SNW1: variants seen among roughly 807,000 people sequenced by gnomAD.
The protein encoded by SNW1 is SNW domain-containing protein 1.
A neutral mutation model predicts 75.6 loss-of-function variants in SNW1; 9 were observed. The ratio of observed to expected loss-of-function variants is 0.12; its 90% confidence interval spans 0.07 to 0.21. The LOEUF is 0.21. Among genes scored for constraint, SNW1 ranks in the 10% least tolerant of loss-of-function variants. The pLI is 1.00. For missense variants in SNW1, 409 were observed against 670.9 expected (o/e 0.61, Z 4.31); for synonymous variants, 200 against 219.1 (o/e 0.91, Z 0.77).
chr14:77,743,856 A>G (rs2080737672), intron 3 of SNW1, among the ~76,000 whole-genome samples: 1 of 152,192 alleles, frequency 6.6e-6, no homozygotes, highest in Non-Finnish European at 1.5e-5. Context: ...CCCAGTGCCA[A>G]TGGCACATAA....
chr14:77,753,827 CCTG>C (rs2080825049), intron 2 of SNW1, among the ~76,000 whole-genome samples: 1 of 151,614 alleles, frequency 6.6e-6, no homozygotes, highest in African/African-American at 2.4e-5. Context: ...GTGGCACGTG[CCTG>C]TAATCCTGGC....
At chr14:77,731,184 G>A (rs1315298261) in intron 9 of SNW1, 55 bp from the exon 10 acceptor site, 1 of 1,572,262 alleles carries the variant, frequency 6.4e-7, no homozygotes, top group East Asian at 2.2e-5. Flanking sequence ...AATATTTATG[G>A]CTATCATCCA....
chr14:77,725,381 T>A (rs1476650251), intron 10 of SNW1, among the ~76,000 whole-genome samples: 1 of 152,180 alleles, frequency 6.6e-6, no homozygotes. Flanking sequence ...GCTTTTGAGA[T>A]TTTACCCAAA....
chr14:77,732,395 C>T lies in SNW1; in HGVS notation c.891+90G>A, dbSNP rs566309652. 36 of 768,778 alleles carry T rather than the reference C, an allele frequency of 4.7e-5. No homozygotes were observed. The African/African-American group carries it at 5.0e-4, about 11-fold the overall frequency. 47.6% of individuals were successfully genotyped at this position (768,778 alleles called of 1,614,324 possible). A position where few individuals can be genotyped will look rare whatever the true frequency, so the allele number is the denominator to read the frequency against. On this transcript the variant is annotated intron_variant, in intron 9 of 13. Transcript: ENST00000261531. ...ATGGGTGAGACTCTCTTTGGGTGCTCGGTACTATAGTTAAATTATCAGTAC... is the reference window on the plus strand; with the variant it reads ...ATGGGTGAGACTCTCTTTGGGTGCTTGGTACTATAGTTAAATTATCAGTAC...
intron 11 of SNW1, chr14:77,722,742 C>G: frequency 2.8e-6 from 1 of 363,348 alleles, no homozygotes; most frequent in Non-Finnish European, 5.3e-6. Flanking sequence ...AGTTATCAAA[C>G]TAAAGAAGAA....
At chr14:77,733,063 A>G (rs1415072929) in intron 8 of SNW1, among the ~76,000 whole-genome samples, 2 of 152,230 alleles carry the variant, frequency 1.3e-5, no homozygotes, top group South Asian at 2.1e-4. Flanking sequence ...GCAGCTATCA[A>G]TGAGTGCTTT....
At chr14:77,733,261 A>G (rs774279567) in intron 8 of SNW1, among the ~76,000 whole-genome samples, 15 of 152,196 alleles carry the variant, frequency 9.9e-5, no homozygotes, top group Admixed American at 6.5e-4. Context: ...GGAAAAATAG[A>G]TATTTGTGTT....
intron 11 of SNW1, chr14:77,722,868 G>A (rs1395693934): frequency 2.9e-6 from 1 of 343,750 alleles, no homozygotes; most frequent in East Asian, 9.2e-5. Flanking sequence ...TTTGTGAGAT[G>A]GAGTCTCGCT....
At chr14:77,726,826 A>C (rs1227346110) in intron 10 of SNW1, among the ~76,000 whole-genome samples, 1 of 151,858 alleles carries the variant, frequency 6.6e-6, no homozygotes, top group Non-Finnish European at 1.5e-5. Flanking sequence ...AAAAAAAAAA[A>C]CCTTTATTCC....
At chr14:77,751,043 A>G (rs147215177) in intron 3 of SNW1, among the ~76,000 whole-genome samples, 1 of 152,324 alleles carries the variant, frequency 6.6e-6, no homozygotes, top group African/African-American at 2.4e-5. Context: ...TGCTAGTAAT[A>G]TAAAGTAACT....
intron 11 of SNW1, 43 bp from the exon 12 acceptor site, chr14:77,720,871 A>G: frequency 8.2e-7 from 1 of 1,220,884 alleles, no homozygotes; most frequent in South Asian, 1.2e-5. Context: ...CTCTTTATAG[A>G]CAAGCTGAAT....
Position 77,755,009 on chromosome 14 carries a change from G to A in SNW1, c.126C>T (p.Pro42=), listed in dbSNP as rs2080833357. The A allele has an allele frequency of 1.9e-6, 3 of 1,609,892 alleles. No homozygotes were observed. Among genetic ancestry groups the A allele is most frequent in the Non-Finnish European group, 2.5e-6 (3 of 1,178,300 alleles). Residue 42 remains proline (P), a synonymous_variant, in exon 2 of 14, where the codon CCC becomes CCT. Coordinates refer to ENST00000261531, the MANE Select transcript of SNW1 (RefSeq NM_012245.3). ...TSLVSSRREP[P]PYGYRKGWIP... ...TCCAGCCTTTCCGGTATCCGTACGGGGGAGGTTCTCTTCGGGAGGAGACCA... is the reference window on the plus strand; with the variant it reads ...TCCAGCCTTTCCGGTATCCGTACGGAGGAGGTTCTCTTCGGGAGGAGACCA...
chr14:77,730,840 A>G (rs1165154606), intron 10 of SNW1, 148 bp downstream of exon 10: 1 of 787,618 alleles, frequency 1.3e-6, no homozygotes, highest in Non-Finnish European at 2.0e-6. Context: ...ACTAAGGCAG[A>G]GATTACTCTC....
chr14:77,751,409 T>A lies in SNW1; in HGVS notation c.240A>T (p.Lys80Asn). Residue 80 changes from lysine to asparagine, a missense_variant, in exon 3 of 14, where the codon AAA becomes AAT. Physicochemically the swap from Lys to Asn is moderately conservative, Grantham distance 94. This residue lies in a region of SNW1 where 60 missense variants were observed against 62.6 expected (regional missense o/e 0.96). Coordinates refer to ENST00000261531, the MANE Select transcript of SNW1 (RefSeq NM_012245.3). ...GAATGGCCAGCGCATTCGACATTTT[T>A]TTCTTTCGTCCCATATCCAGTGGAT... ...AQYPLDMGRK[K>N]KMSNALAIQV... is the part of the protein sequence containing the mutation. The A allele has an allele frequency of 6.2e-7, 1 of 1,614,002 alleles. No homozygotes were observed. Among genetic ancestry groups the A allele is most frequent in the Non-Finnish European group, 8.5e-7 (1 of 1,179,938 alleles).
At chr14:77,733,308 A>C (rs918122735) in intron 8 of SNW1, among the ~76,000 whole-genome samples, 2 of 152,228 alleles carry the variant, frequency 1.3e-5, no homozygotes, top group Non-Finnish European at 2.9e-5. Flanking sequence ...AATCACTGTC[A>C]AACAGTTCAA....
At chr14:77,718,713 C>CTTT (rs372285276) in intron 12 of SNW1, among the ~76,000 whole-genome samples, 183 bp from the exon 13 acceptor site, 6 of 138,402 alleles carry the variant, frequency 4.3e-5, no homozygotes, top group African/African-American at 1.6e-4. Flanking sequence ...ACTTTGGATT[C>CTTT]TTTTTTTTTT....
Position 77,720,817 on chromosome 14 carries a change from T to C in SNW1, c.1142A>G (p.Gln381Arg). The change falls in exon 12 of 14, where the codon CAG becomes CGG. Residue 381 changes from glutamine (Q) to arginine (R), a missense_variant. By Grantham distance (43) the Gln-to-Arg change is conservative. Transcript: ENST00000261531. ...RAAPDKRSKL[Q>R]RNENRDISEV... Reference sequence around the variant, plus strand: ...ACTGATATCCCGATTTTCATTTCTCTGAAGTTTCGACCTATTTTGAAATAC... The same window carrying C: ...ACTGATATCCCGATTTTCATTTCTCCGAAGTTTCGACCTATTTTGAAATAC... 1.2e-6 allele frequency: 2 copies of C among 1,611,842 alleles called. No homozygotes were observed. The highest frequency in any genetic ancestry group is 1.7e-6 in the Non-Finnish European group (2 of 1,178,292).
At chr14:77,746,928 C>T (rs1337864850) in intron 3 of SNW1, among the ~76,000 whole-genome samples, 2 of 150,756 alleles carry the variant, frequency 1.3e-5, no homozygotes, top group East Asian at 3.9e-4. Context: ...CACGGTCTCC[C>T]TCTCCCTCTC....
In SNW1 at chr14:77,718,354, T is replaced by G. The variant is rs2080507260; in HGVS notation, c.1412+13A>C. 1.9e-6 allele frequency: 3 copies of G among 1,614,246 alleles called. No individual in the cohort carries two copies. In the African/African-American group the frequency reaches 4.0e-5, roughly 22 times the overall value. On this transcript the variant is annotated intron_variant, in intron 13 of 13. Coordinates refer to ENST00000261531, the MANE Select transcript of SNW1 (RefSeq NM_012245.3). ...CAGTGTAAACACTGAAATTGAGTTG[T>G]ATGGCTTGGCACCTGTTGGTCTTTA... is the stretch of plus-strand genomic sequence containing the variant.
Sources: gnomAD v4.1 joint callset for allele counts (sites outside exome capture counted in the v4.1 genomes callset) on GRCh38, gnomAD v4.1.1 for gene constraint, gnomAD v4.1.1 regional missense constraint, MANE v1.5 for transcripts, NCBI Gene and HGNC (gene_info 2026-07-23, HGNC 2026-07-21) for gene names.